DGKB: variants seen among roughly 807,000 people sequenced by gnomAD.
DGKB encodes diacylglycerol kinase beta.
DGKB carries 67 observed loss-of-function variants against 114.3 expected under a neutral mutation model. The observed-to-expected ratio is 0.59, with a 90% CI of 0.48 to 0.72. The LOEUF is 0.72. DGKB is among the 30% of genes least tolerant of loss of function. DGKB has a pLI of 0.00. For synonymous variants in DGKB, 398 were observed against 323.1 expected (o/e 1.23, Z -2.49); for missense variants, 907 against 975.2 (o/e 0.93, Z 0.93).
chr7:14,838,993 A>G (rs989306389), intron 2 of DGKB, among the ~76,000 whole-genome samples: 1 of 152,074 alleles, frequency 6.6e-6, no homozygotes, highest in African/African-American at 2.4e-5. Flanking sequence ...TTTGTTTCAA[A>G]TCCTCCCTCT....
chr7:14,203,771 G>C (rs1562605994), intron 23 of DGKB, among the ~76,000 whole-genome samples: 1 of 151,966 alleles, frequency 6.6e-6, no homozygotes, highest in East Asian at 1.9e-4. Flanking sequence ...TGAGATCAAA[G>C]TGCTTCTTAA....
chr7:14,172,949 G>T (rs1781226825), intron 25 of DGKB, among the ~76,000 whole-genome samples: 1 of 152,106 alleles, frequency 6.6e-6, no homozygotes, highest in South Asian at 2.1e-4. Flanking sequence ...GATGGGGGAG[G>T]AAGAAGAAAG....
chr7:14,507,161 C>A (rs1787218462), intron 20 of DGKB, among the ~76,000 whole-genome samples: 1 of 152,270 alleles, frequency 6.6e-6, no homozygotes, highest in Admixed American at 6.5e-5. Context: ...TGCAGCATAA[C>A]CTAGCCTAGT....
chr7:14,229,432 C>T (rs1485667654), intron 23 of DGKB, among the ~76,000 whole-genome samples: 1 of 151,892 alleles, frequency 6.6e-6, no homozygotes, highest in East Asian at 1.9e-4. Context: ...CTAAACATAA[C>T]TAAACATAGA....
intron 15 of DGKB, 42 bp downstream of exon 15, chr7:14,621,336 C>G (rs750323632): frequency 1.6e-6 from 2 of 1,254,110 alleles, no homozygotes; most frequent in Non-Finnish European, 2.3e-6. Flanking sequence ...CTAGAAGTAT[C>G]AAATATGAAA....
At chr7:14,236,648 A>C (rs1792831494) in intron 23 of DGKB, among the ~76,000 whole-genome samples, 1 of 151,988 alleles carries the variant, frequency 6.6e-6, no homozygotes, top group Admixed American at 6.6e-5. Flanking sequence ...TCTAAAAATC[A>C]AAGTCGTGAA....
At chr7:14,413,431 C>A (rs1335023330) in intron 21 of DGKB, among the ~76,000 whole-genome samples, 1 of 152,002 alleles carries the variant, frequency 6.6e-6, no homozygotes, top group Non-Finnish European at 1.5e-5. Context: ...TCAAAATATT[C>A]AAGAGGAGAT....
chr7:14,653,884 C>T (rs1815197743), intron 13 of DGKB, among the ~76,000 whole-genome samples: 1 of 151,942 alleles, frequency 6.6e-6, no homozygotes, highest in Non-Finnish European at 1.5e-5. Context: ...TAGATATACC[C>T]CTACACAATA....
chr7:14,376,174 G>A (rs1047717094), intron 21 of DGKB, among the ~76,000 whole-genome samples: 4 of 152,144 alleles, frequency 2.6e-5, no homozygotes, highest in African/African-American at 9.7e-5. Flanking sequence ...ACTTGTGTTG[G>A]TGGCCTGTCA....
chr7:14,593,893 T>C (rs1324371119), intron 17 of DGKB, among the ~76,000 whole-genome samples: 5 of 151,770 alleles, frequency 3.3e-5, no homozygotes, highest in Non-Finnish European at 7.4e-5. Context: ...AGAGCTAGCA[T>C]GATAAGGAAG....
intron 20 of DGKB, among the ~76,000 whole-genome samples, chr7:14,493,648 T>A (rs1460930649): frequency 2.0e-5 from 3 of 152,018 alleles, no homozygotes; most frequent in African/African-American, 7.2e-5. Flanking sequence ...AAAGGGATGA[T>A]TCAAGACCTG....
chr7:14,790,270 A>G (rs372335740), intron 2 of DGKB, among the ~76,000 whole-genome samples: 3 of 152,206 alleles, frequency 2.0e-5, no homozygotes, highest in African/African-American at 7.2e-5. Flanking sequence ...AACAGAATCT[A>G]TAGAAGACCA....
chr7:14,843,901 GTATTAGGT>G (rs577606787), intron 1 of DGKB, among the ~76,000 whole-genome samples: 476 of 152,246 alleles, frequency 3.1e-3, no homozygotes, highest in African/African-American at 0.01. Context: ...TCACATGACT[GTATTAGGT>G]CATTCAATCT....
intron 1 of DGKB, among the ~76,000 whole-genome samples, chr7:14,925,041 T>A (rs934152908): frequency 6.6e-6 from 1 of 152,214 alleles, no homozygotes; most frequent in African/African-American, 2.4e-5. Flanking sequence ...CTTATAATGA[T>A]TGGCTTTTTT....
At chr7:14,592,808 T>C (rs1801923172) in intron 17 of DGKB, among the ~76,000 whole-genome samples, 1 of 151,940 alleles carries the variant, frequency 6.6e-6, no homozygotes, top group Non-Finnish European at 1.5e-5. Flanking sequence ...TGTGACTCTC[T>C]CAACATTTTA....
intron 25 of DGKB, among the ~76,000 whole-genome samples, chr7:14,161,302 C>G (rs1362656741): frequency 1.3e-5 from 2 of 152,130 alleles, no homozygotes; most frequent in African/African-American, 4.8e-5. Context: ...GCCCAGCAGT[C>G]CCATTACTGG....
intron 23 of DGKB, among the ~76,000 whole-genome samples, chr7:14,311,429 AT>A (rs959527182): frequency 2.4e-3 from 352 of 145,262 alleles, no homozygotes; most frequent in African/African-American, 7.5e-3. Context: ...ATTTTTCATC[AT>A]TTTTTTTTTT....
rs538822626 is a variant in DGKB, at chr7:14,493,538, C to G, written c.1771-15313G>C. ...ATGAAACAAGATGATATGAAGCTTA[C>G]AGGATGAGACAAAGTGAAGTGAATA... On this transcript the variant is annotated intron_variant, in intron 20 of 25. Coordinates refer to ENST00000402815, the MANE Select transcript of DGKB (RefSeq NM_001350709.2). Among the ~76,000 whole-genome samples the G allele has an allele frequency of 3.9e-5, 6 of 152,096 alleles. No individual in the cohort carries two copies. In the South Asian group the frequency reaches 1.2e-3, roughly 32 times the overall value.
intron 21 of DGKB, among the ~76,000 whole-genome samples, chr7:14,364,411 GAAGGAAGA>G (rs1583425647): frequency 6.6e-6 from 1 of 150,420 alleles, no homozygotes; most frequent in East Asian, 2.0e-4. Flanking sequence ...AAAAAAGAAA[GAAGGAAGA>G]AAGGAAGGAA....
Sources: allele counts gnomAD v4.1 joint callset (sites outside exome capture counted in the v4.1 genomes callset), GRCh38; gene constraint gnomAD v4.1.1; transcripts MANE v1.5; gene names NCBI Gene and HGNC (gene_info 2026-07-23, HGNC 2026-07-21).